The following RAPGEF2 variants were observed in gnomAD, a reference collection of about 807,000 sequenced individuals.
RAPGEF2 encodes the protein PDZ domain containing guanine nucleotide exchange factor (GEF) 1.
RAPGEF2 carries 54 observed loss-of-function variants against 186.7 expected under a neutral mutation model. That is an observed-to-expected ratio of 0.29 (90% CI 0.23 to 0.36). The LOEUF (loss-of-function observed/expected upper bound fraction) is 0.36, where lower values mean the gene tolerates loss of function less well. Among genes scored for constraint, RAPGEF2 ranks in the 10% least tolerant of loss-of-function variants. The probability of loss-of-function intolerance (pLI) is 1.00; values close to 1 mark genes in which losing one functional copy is unlikely to be tolerated. For missense variants in RAPGEF2, 1,532 were observed against 2,045.0 expected (o/e 0.75, Z 4.84); for synonymous variants, 712 against 705.9 (o/e 1.01, Z -0.14).
chr4:159,110,977 T>C (rs1242585250), intron 1 of RAPGEF2, among the ~76,000 whole-genome samples: 1 of 152,020 alleles, frequency 6.6e-6, no homozygotes, highest in Non-Finnish European at 1.5e-5. Context: ...AAAATAAGTT[T>C]ATTGCCGCAT....
At chr4:159,208,384 G>A (rs1285677491) in intron 3 of RAPGEF2, among the ~76,000 whole-genome samples, 2 of 152,196 alleles carry the variant, frequency 1.3e-5, no homozygotes, top group African/African-American at 2.4e-5. Flanking sequence ...GAGGAGCATA[G>A]TATGCAGCGT....
At chr4:159,149,419 C>T (rs536483974) in intron 1 of RAPGEF2, among the ~76,000 whole-genome samples, 9 of 152,106 alleles carry the variant, frequency 5.9e-5, no homozygotes, top group South Asian at 2.1e-4. Flanking sequence ...CCACCACACC[C>T]GGCTAATTTT....
At chr4:159,233,776 A>G (rs567628831) in intron 4 of RAPGEF2, among the ~76,000 whole-genome samples, 2 of 152,262 alleles carry the variant, frequency 1.3e-5, no homozygotes, top group African/African-American at 4.8e-5. Flanking sequence ...TAAAAAATTT[A>G]AAAATATATA....
intron 26 of RAPGEF2, chr4:159,352,334 C>T (rs1731312822): frequency 1.2e-5 from 2 of 173,300 alleles, no homozygotes; most frequent in South Asian, 3.4e-4. Flanking sequence ...TTGAAAAAAA[C>T]ATACTTTAAA....
chr4:159,114,475 G>A (rs1017993266), intron 1 of RAPGEF2, among the ~76,000 whole-genome samples: 2 of 152,062 alleles, frequency 1.3e-5, no homozygotes, highest in Admixed American at 6.5e-5. Context: ...GGGCTCAAGC[G>A]ATCTTCTCCT....
chr4:159,198,321 T>TC (rs1561075222), intron 3 of RAPGEF2, among the ~76,000 whole-genome samples: 1 of 74,168 alleles, frequency 1.3e-5, no homozygotes, highest in African/African-American at 1.1e-4. Flanking sequence ...TTTCTTTCTT[T>TC]CTTTCTTTCT....
chr4:159,164,775 T>G (rs188293200), intron 1 of RAPGEF2, among the ~76,000 whole-genome samples: 107 of 152,302 alleles, frequency 7.0e-4, no homozygotes, highest in African/African-American at 2.1e-3. Context: ...AGATGTGACG[T>G]CGCTACAAAA....
At chr4:159,182,953 A>G (rs555886163) in intron 1 of RAPGEF2, among the ~76,000 whole-genome samples, 59 of 152,236 alleles carry the variant, frequency 3.9e-4, no homozygotes, top group Non-Finnish European at 7.1e-4. Flanking sequence ...ATCACATGTT[A>G]TGGATCAGGA....
Position 159,314,621 on chromosome 4 carries a change from C to G in RAPGEF2, c.706C>G (p.Leu236Val). 6.2e-7 allele frequency: 1 copy of G among 1,613,496 alleles called. No individual in the cohort carries two copies. The highest frequency in any genetic ancestry group is 8.5e-7 in the Non-Finnish European group (1 of 1,179,784). Residue 236 changes from leucine to valine, a missense_variant, in exon 9 of 30, where the codon CTG (leucine) becomes GTG (valine). By Grantham distance (32) the Leu-to-Val change is conservative. Around this residue, in one of 4 missense-constraint regions of RAPGEF2, gnomAD observed 810 missense variants for 1,210.5 expected, o/e 0.67. Transcript: ENST00000691494. Reference protein sequence around the residue: ...ATESEAGDMDLSGLPETAVDS... With the variant: ...ATESEAGDMDVSGLPETAVDS... ...AGAAAGCGAGGCTGGTGATATGGAC[C>G]TGAGTGGGTTGCCAGAAACAGCAGT...
intron 25 of RAPGEF2, 117 bp from the exon 26 acceptor site, chr4:159,350,020 G>T (rs900739580): frequency 1.7e-6 from 1 of 595,678 alleles, no homozygotes; most frequent in East Asian, 3.1e-5. Flanking sequence ...ATTGTAAATA[G>T]GTTGAACCTC....
At chr4:159,351,265 G>A in intron 26 of RAPGEF2, 1 of 1,374,574 alleles carries the variant, frequency 7.3e-7, no homozygotes, top group Non-Finnish European at 9.7e-7. Flanking sequence ...TCCTCCAAAT[G>A]TCAAGTGCTC....
chr4:159,140,600 A>T (rs1438684795), intron 1 of RAPGEF2, among the ~76,000 whole-genome samples: 2 of 152,206 alleles, frequency 1.3e-5, no homozygotes, highest in Non-Finnish European at 2.9e-5. Context: ...AAGGTAATGT[A>T]GAAGACTGTT....
chr4:159,204,269 G>T (rs1232318627), intron 3 of RAPGEF2, among the ~76,000 whole-genome samples: 2 of 152,180 alleles, frequency 1.3e-5, no homozygotes, highest in East Asian at 3.8e-4. Context: ...TGAGTGAGAA[G>T]ATTTTCTTAA....
intron 3 of RAPGEF2, among the ~76,000 whole-genome samples, chr4:159,197,433 A>ACG (rs1371957054): frequency 6.6e-6 from 1 of 152,026 alleles, no homozygotes; most frequent in African/African-American, 2.4e-5. Flanking sequence ...GTCCACACAC[A>ACG]CACACGCCCA....
chr4:159,210,026 A>G (rs1467149966), intron 3 of RAPGEF2, among the ~76,000 whole-genome samples: 1 of 152,208 alleles, frequency 6.6e-6, no homozygotes, highest in Non-Finnish European at 1.5e-5. Context: ...ACAAAGAAGA[A>G]AGATGATGGG....
intron 8 of RAPGEF2, among the ~76,000 whole-genome samples, chr4:159,311,817 C>T (rs1763981558): frequency 6.6e-6 from 1 of 152,012 alleles, no homozygotes; most frequent in Admixed American, 6.5e-5. Context: ...ATTAGTAGGT[C>T]CCTGAAAAGT....
intron 1 of RAPGEF2, among the ~76,000 whole-genome samples, chr4:159,161,625 G>T (rs1744716567): frequency 6.6e-6 from 1 of 152,102 alleles, no homozygotes; most frequent in Admixed American, 6.5e-5. Flanking sequence ...GATCGATTGA[G>T]CCTGTGAGCC....
At chr4:159,133,906 A>G (rs191723013) in intron 1 of RAPGEF2, among the ~76,000 whole-genome samples, 16 of 151,962 alleles carry the variant, frequency 1.1e-4, no homozygotes, top group Non-Finnish European at 1.9e-4. Flanking sequence ...TTTAATAGTG[A>G]TGGGGTTTCA....
chr4:159,247,210 A>G (rs895868853), intron 7 of RAPGEF2, among the ~76,000 whole-genome samples: 49 of 152,238 alleles, frequency 3.2e-4, no homozygotes, highest in African/African-American at 1.2e-3. Context: ...ATTTTTGGTC[A>G]TTTAACAAAT....
Sources: gnomAD v4.1 joint callset for allele counts (sites outside exome capture counted in the v4.1 genomes callset) on GRCh38, gnomAD v4.1.1 for gene constraint, gnomAD v4.1.1 regional missense constraint, MANE v1.5 for transcripts, NCBI Gene and HGNC (gene_info 2026-07-23, HGNC 2026-07-21) for gene names.